The following SORT1 variants were observed in gnomAD, a reference collection of about 807,000 sequenced individuals.
SORT1 encodes the protein sortilin 1.
Under a neutral mutation model 101.7 loss-of-function variants are expected in SORT1, and 39 were observed. The observed-to-expected ratio is 0.38, with a 90% CI of 0.30 to 0.50. The LOEUF is 0.50. Among genes scored for constraint, SORT1 ranks in the 20% least tolerant of loss-of-function variants. SORT1 has a pLI of 0.90. For synonymous variants in SORT1, 396 were observed against 393.7 expected, an observed-to-expected ratio of 1.01 and a Z score of -0.07; for missense variants, 878 against 1,040.4, an observed-to-expected ratio of 0.84 and a Z score of 2.15.
At chr1:109,339,044 A>T (rs1649037577) in intron 10 of SORT1, among the ~76,000 whole-genome samples, 1 of 151,644 alleles carries the variant, frequency 6.6e-6, no homozygotes, top group Admixed American at 6.6e-5. Flanking sequence ...CGCCCAGCTA[A>T]TTTTTTGTAT....
At chr1:109,373,192 AC>A (rs1651602025) in intron 1 of SORT1, among the ~76,000 whole-genome samples, 1 of 152,158 alleles carries the variant, frequency 6.6e-6, no homozygotes, top group Non-Finnish European at 1.5e-5. Flanking sequence ...CCTACAGCTA[AC>A]TGGCTTACTG....
chr1:109,338,617 A>G (rs1221277088), intron 10 of SORT1, among the ~76,000 whole-genome samples: 3 of 152,168 alleles, frequency 2.0e-5, no homozygotes, highest in Non-Finnish European at 4.4e-5. Flanking sequence ...GGTCAAATTC[A>G]GGCTTATTCT....
intron 15 of SORT1, among the ~76,000 whole-genome samples, 184 bp from the exon 16 acceptor site, chr1:109,318,153 G>T (rs1332046185): frequency 6.6e-6 from 1 of 150,478 alleles, no homozygotes; most frequent in Non-Finnish European, 1.5e-5. Context: ...CACGGAGAGG[G>T]CCTTTTTTTT....
chr1:109,366,008 C>T (rs1651063503), intron 3 of SORT1, among the ~76,000 whole-genome samples: 1 of 152,146 alleles, frequency 6.6e-6, no homozygotes, highest in Non-Finnish European at 1.5e-5. Context: ...CTGGGAGATA[C>T]CCTGACCCTA....
In SORT1 at chr1:109,340,161, A is replaced by AAAAAG. The variant is rs1553193998; in HGVS notation, c.1264+562_1264+563insCTTTT. Among the ~76,000 whole-genome samples, 42 of 151,640 alleles carry AAAAAG rather than the reference A, an allele frequency of 2.8e-4. 1 individual carries two copies. The highest frequency in any genetic ancestry group is 2.1e-3 in the Admixed American group (32 of 15,198). On this transcript the variant is annotated intron_variant, in intron 10 of 19. Coordinates refer to ENST00000256637, the MANE Select transcript of SORT1 (RefSeq NM_002959.7). ...GATTCCATCTCAAAAAAAAAAAAAA[A>AAAAAG]AAAGAAAGAAAAAGAAAAAAAAGGT...
At chr1:109,355,568 G>A in intron 3 of SORT1, 99 bp from the exon 4 acceptor site, 1 of 638,374 alleles carries the variant, frequency 1.6e-6, no homozygotes, top group South Asian at 1.7e-5. Context: ...CAATCATGCT[G>A]AGAGACTCGG....
chr1:109,347,269 T>C (rs972171363), intron 7 of SORT1, among the ~76,000 whole-genome samples: 2 of 152,242 alleles, frequency 1.3e-5, no homozygotes, highest in African/African-American at 4.8e-5. Context: ...AGATTAAATA[T>C]TGCCTCTACG....
intron 1 of SORT1, 24 bp downstream of exon 1, chr1:109,397,563 C>A: frequency 8.6e-7 from 1 of 1,167,248 alleles, no homozygotes; most frequent in Non-Finnish European, 1.1e-6. Context: ...ACCCGAGCGG[C>A]TCCCGGGCCC....
intron 11 of SORT1, among the ~76,000 whole-genome samples, chr1:109,328,497 A>T (rs1455767937): frequency 1.3e-5 from 2 of 152,148 alleles, no homozygotes; most frequent in East Asian, 3.8e-4. Context: ...GCCTCTTTTT[A>T]TATGCTTGTT....
At chr1:109,337,263 T>C (rs1455745881) in intron 10 of SORT1, among the ~76,000 whole-genome samples, 2 of 152,204 alleles carry the variant, frequency 1.3e-5, no homozygotes, top group African/African-American at 4.8e-5. Context: ...ATTTATTTAT[T>C]GAGATGGATT....
rs574767081 is a variant in SORT1 at position 109,317,621 on chromosome 1, T to C, written c.2141+232A>G. On this transcript the variant is annotated intron_variant, in intron 16 of 19. Transcript: ENST00000256637. The stretch of plus-strand genomic sequence containing the variant: ...GGGGTGCAGGATCTGGCCGAGCTTG[T>C]TCTCCTGCTCTGCCTCGTGGTGTTG... 3.3e-5 allele frequency among the ~76,000 whole-genome samples: 5 copies of C among 152,308 alleles called. No individual in the cohort carries two copies. The East Asian group carries it at 5.8e-4, about 18-fold the overall frequency.
chr1:109,323,052 A>G lies in SORT1; in HGVS notation c.1904T>C (p.Ile635Thr). The change falls in exon 15 of 20, where the codon ATT becomes ACT. Residue 635 changes from isoleucine to threonine, a missense_variant. This residue lies in a region of SORT1 where 684 missense variants were observed against 894.5 expected (regional missense o/e 0.76). Coordinates refer to ENST00000256637, the MANE Select transcript of SORT1 (RefSeq NM_002959.7). ...TDPEDYEDGC[I>T]LGYKEQFLRL... ...CAGAAACTGTTCTTTGTAGCCCAAA[A>G]TGCAGCCATCTTCATAATCTTCAGG... 6.2e-7 allele frequency: 1 copy of G among 1,614,198 alleles called. No individual in the cohort carries two copies. The highest frequency in any genetic ancestry group is 8.5e-7 in the Non-Finnish European group (1 of 1,180,010).
intron 1 of SORT1, among the ~76,000 whole-genome samples, chr1:109,380,275 A>T (rs1462006096): frequency 3.3e-5 from 5 of 152,198 alleles, no homozygotes; most frequent in Non-Finnish European, 7.3e-5. Context: ...CCTGGGTGAC[A>T]GAGTGGGACC....
At chr1:109,342,840 C>A (rs1570925878) in intron 8 of SORT1, among the ~76,000 whole-genome samples, 1 of 152,150 alleles carries the variant, frequency 6.6e-6, no homozygotes, top group East Asian at 1.9e-4. Flanking sequence ...TGATAAATAG[C>A]TTAACATCGC....
intron 14 of SORT1, among the ~76,000 whole-genome samples, 173 bp downstream of exon 14, chr1:109,324,726 G>A (rs1161450398): frequency 6.6e-6 from 1 of 152,182 alleles, no homozygotes; most frequent in African/African-American, 2.4e-5. Flanking sequence ...CGAGGAGGAG[G>A]TTGTTTTTCT....
intron 13 of SORT1, among the ~76,000 whole-genome samples, chr1:109,326,538 CAT>C (rs1299075573): frequency 4.7e-5 from 6 of 127,460 alleles, no homozygotes; most frequent in African/African-American, 1.2e-4. Context: ...CATATATATA[CAT>C]ATATATACAC....
chr1:109,360,026 G>T (rs151276334), intron 3 of SORT1, among the ~76,000 whole-genome samples: 4 of 152,322 alleles, frequency 2.6e-5, no homozygotes, highest in African/African-American at 7.2e-5. Flanking sequence ...AAATGGAAAA[G>T]ACGAAAGGTG....
intron 11 of SORT1, among the ~76,000 whole-genome samples, chr1:109,332,520 T>C (rs190555425): frequency 1.3e-5 from 2 of 152,280 alleles, no homozygotes; most frequent in South Asian, 2.1e-4. Flanking sequence ...CAGTGACCTA[T>C]GATTATTCCA....
In SORT1 at chr1:109,355,429, T is replaced by C; in HGVS notation, c.481A>G (p.Ile161Val). 1 of 1,599,804 alleles carries C rather than the reference T, an allele frequency of 6.3e-7. No individual in the cohort carries two copies. Among genetic ancestry groups the C allele is most frequent in the Middle Eastern group, 1.7e-4 (1 of 6,032 alleles). ...GKNFKDITDLINNTFIRTEFG... is the reference protein window; with the variant it reads ...GKNFKDITDLVNNTFIRTEFG... ...TCAGTCCGAATAAAGGTGTTATTGATGAGATCTGTAATATCCTTAAAGTTC... is the reference window on the plus strand; with the variant it reads ...TCAGTCCGAATAAAGGTGTTATTGACGAGATCTGTAATATCCTTAAAGTTC... The change falls in exon 4 of 20, where the codon ATC (isoleucine) becomes GTC (valine). Residue 161 changes from isoleucine (I) to valine (V), a missense_variant. Physicochemically the swap from Ile to Val is conservative, Grantham distance 29. Around this residue, in one of 2 missense-constraint regions of SORT1, gnomAD observed 684 missense variants for 894.5 expected, o/e 0.76. Coordinates refer to ENST00000256637, the MANE Select transcript of SORT1 (RefSeq NM_002959.7).
Sources: allele counts gnomAD v4.1 joint callset (sites outside exome capture counted in the v4.1 genomes callset), GRCh38; gene constraint gnomAD v4.1.1; regional missense constraint gnomAD v4.1.1; transcripts MANE v1.5; gene names NCBI Gene and HGNC (gene_info 2026-07-23, HGNC 2026-07-21).